ELOVL7: variants seen among roughly 807,000 people sequenced by gnomAD.
ELOVL7 encodes the protein ELOVL fatty acid elongase 7.
Under a neutral mutation model 35.7 loss-of-function variants are expected in ELOVL7, and 27 were observed. The observed-to-expected ratio is 0.76, with a 90% CI of 0.56 to 1.04. ELOVL7 has a LOEUF of 1.04. ELOVL7 is among the 50% of genes least tolerant of loss of function. The pLI, the probability that ELOVL7 is intolerant of heterozygous loss-of-function variation, is 0.00. For missense variants in ELOVL7, 327 were observed against 340.8 expected (o/e 0.96, Z 0.32); for synonymous variants, 113 against 114.6 (o/e 0.99, Z 0.09).
chr5:60,802,382 T>A (rs1744697850), intron 1 of ELOVL7, among the ~76,000 whole-genome samples: 2 of 152,062 alleles, frequency 1.3e-5, no homozygotes, highest in Admixed American at 1.3e-4. Context: ...TAATGCTTCA[T>A]AAATCATTCT....
At chr5:60,822,929 G>T (rs1745969114) in intron 1 of ELOVL7, among the ~76,000 whole-genome samples, 1 of 152,206 alleles carries the variant, frequency 6.6e-6, no homozygotes, top group Non-Finnish European at 1.5e-5. Flanking sequence ...AGCCAACCTG[G>T]AAGCCTCTGT....
chr5:60,777,120 G>T (rs1046888536), intron 3 of ELOVL7, among the ~76,000 whole-genome samples: 1 of 148,980 alleles, frequency 6.7e-6, no homozygotes, highest in East Asian at 2.0e-4. Flanking sequence ...GGTTGGGGGG[G>T]AGGTGGGAAT....
chr5:60,776,992 A>C (rs1051097460), intron 3 of ELOVL7, among the ~76,000 whole-genome samples: 1 of 151,994 alleles, frequency 6.6e-6, no homozygotes, highest in African/African-American at 2.4e-5. Context: ...AAATAGGTAA[A>C]TGTTAAGAAA....
chr5:60,770,111 G>T (rs946817266), intron 4 of ELOVL7, among the ~76,000 whole-genome samples: 1 of 151,872 alleles, frequency 6.6e-6, no homozygotes, highest in African/African-American at 2.4e-5. Context: ...TATTTGGCAG[G>T]TAGTTCCTGA....
In ELOVL7 at chr5:60,817,971, A is replaced by T. The variant is rs566063415; in HGVS notation, c.-85-18741T>A. The stretch of plus-strand genomic sequence containing the variant: ...ATGTCCACCAATATGAGACTTGTTT[A>T]AAAAAACTGGTATATTTGAACAATG... On this transcript the variant is annotated intron_variant, in intron 1 of 8. Transcript: ENST00000508821. Among the ~76,000 whole-genome samples the T allele has an allele frequency of 2.6e-4, 40 of 151,840 alleles. 1 individual carries two copies. The South Asian group carries it at 6.2e-3, about 24-fold the overall frequency.
At chr5:60,839,013 A>G (rs1350474624) in intron 1 of ELOVL7, among the ~76,000 whole-genome samples, 1 of 116,480 alleles carries the variant, frequency 8.6e-6, no homozygotes, top group Non-Finnish European at 1.8e-5. Context: ...ACAAGAACAA[A>G]ACAGTGTCAA....
At chr5:60,794,474 GA>G (rs1174543581) in intron 2 of ELOVL7, among the ~76,000 whole-genome samples, 1 of 152,210 alleles carries the variant, frequency 6.6e-6, no homozygotes, top group African/African-American at 2.4e-5. Context: ...CATCTGGTTG[GA>G]ATTCACTCAG....
At chr5:60,782,340 A>G (rs560914318) in intron 3 of ELOVL7, among the ~76,000 whole-genome samples, 1 of 152,324 alleles carries the variant, frequency 6.6e-6, no homozygotes, top group South Asian at 2.1e-4. Flanking sequence ...AACTACATGA[A>G]GGCTCTATAA....
At chr5:60,791,231 C>A (rs1255866789) in intron 2 of ELOVL7, among the ~76,000 whole-genome samples, 5 of 152,198 alleles carry the variant, frequency 3.3e-5, no homozygotes, top group Non-Finnish European at 5.9e-5. Context: ...CCTGCCTCAG[C>A]CTCCCAAAGT....
At chr5:60,825,552 A>G (rs1746121689) in intron 1 of ELOVL7, among the ~76,000 whole-genome samples, 1 of 152,042 alleles carries the variant, frequency 6.6e-6, no homozygotes, top group Non-Finnish European at 1.5e-5. Flanking sequence ...TGTTTTGTGC[A>G]CTCTTACCTC....
At position 60,754,566 on chromosome 5, in the gene ELOVL7, T is replaced by G; in HGVS notation, c.*58A>C. 1 of 1,475,114 alleles carries G rather than the reference T, an allele frequency of 6.8e-7. No homozygotes were observed. The highest frequency in any genetic ancestry group is 9.5e-7 in the Non-Finnish European group (1 of 1,057,146). The allele number at this position is 1,475,114 out of a possible 1,614,324, so 91.4% of individuals were successfully genotyped here. A position where few individuals can be genotyped will look rare whatever the true frequency, so the allele number is the denominator to read the frequency against. On this transcript the variant is annotated 3_prime_UTR_variant, in exon 9 of 9. Coordinates refer to ENST00000508821, the MANE Select transcript of ELOVL7 (RefSeq NM_024930.3). The stretch of plus-strand genomic sequence containing the variant: ...ACAAAATGCACTGCATAGGTAAATA[T>G]CTCTTGATTGTCAAGGAAGACAATG...
Position 60,754,576 on chromosome 5 carries a change from G to A in ELOVL7, c.*48C>T, listed in dbSNP as rs1561414590. On this transcript the variant is annotated 3_prime_UTR_variant, in exon 9 of 9. Coordinates refer to ENST00000508821, the MANE Select transcript of ELOVL7 (RefSeq NM_024930.3). The stretch of plus-strand genomic sequence containing the variant: ...CTGCATAGGTAAATATCTCTTGATT[G>A]TCAAGGAAGACAATGTATCAGTTTC... 4.6e-6 allele frequency: 7 copies of A among 1,524,796 alleles called. No individual in the cohort carries two copies. The highest frequency in any genetic ancestry group is 6.4e-6 in the Non-Finnish European group (7 of 1,100,492). 94.5% of individuals were successfully genotyped at this position (1,524,796 alleles called of 1,614,324 possible). A position where few individuals can be genotyped will look rare whatever the true frequency, so the allele number is the denominator to read the frequency against.
At chr5:60,771,716 T>C (rs1425067917) in intron 4 of ELOVL7, among the ~76,000 whole-genome samples, 187 bp downstream of exon 4, 1 of 152,254 alleles carries the variant, frequency 6.6e-6, no homozygotes, top group Non-Finnish European at 1.5e-5. Flanking sequence ...CAGATTATAC[T>C]GAGATCCTCA....
intron 7 of ELOVL7, among the ~76,000 whole-genome samples, chr5:60,758,264 C>T (rs1741668408): frequency 6.6e-6 from 1 of 152,180 alleles, no homozygotes; most frequent in Non-Finnish European, 1.5e-5. Context: ...TGTGTTTTTA[C>T]TACTGTGTTT....
At chr5:60,840,799 G>A (rs17332419) in intron 1 of ELOVL7, among the ~76,000 whole-genome samples, 14,971 of 152,100 alleles carry the variant, frequency 0.098, 970 homozygotes, top group South Asian at 0.16. Flanking sequence ...TAGGAAATGA[G>A]TCCCAACTTG....
chr5:60,801,371 G>A (rs1354804569), intron 1 of ELOVL7, among the ~76,000 whole-genome samples: 1 of 152,154 alleles, frequency 6.6e-6, no homozygotes, highest in Non-Finnish European at 1.5e-5. Context: ...AGAAGTTAAT[G>A]TGTCTCCTTG....
chr5:60,823,666 A>G (rs1746014400), intron 1 of ELOVL7, among the ~76,000 whole-genome samples: 1 of 152,246 alleles, frequency 6.6e-6, no homozygotes, highest in African/African-American at 2.4e-5. Flanking sequence ...GTGAAAGAAT[A>G]GAATAGCTTT....
intron 2 of ELOVL7, among the ~76,000 whole-genome samples, chr5:60,796,375 A>G (rs1320363024): frequency 6.6e-6 from 1 of 152,232 alleles, no homozygotes; most frequent in Non-Finnish European, 1.5e-5. Context: ...CAACCTCGAC[A>G]GTATTGATAT....
chr5:60,834,254 G>A (rs1261998639), intron 1 of ELOVL7, among the ~76,000 whole-genome samples: 1 of 151,916 alleles, frequency 6.6e-6, no homozygotes, highest in African/African-American at 2.4e-5. Context: ...CCATTCTCCT[G>A]CCTCAGCCTC....
Sources: allele counts gnomAD v4.1 joint callset (sites outside exome capture counted in the v4.1 genomes callset), GRCh38; gene constraint gnomAD v4.1.1; transcripts MANE v1.5; gene names NCBI Gene and HGNC (gene_info 2026-07-23, HGNC 2026-07-21).